EPS15L1: variants seen among roughly 807,000 people sequenced by gnomAD.
EPS15L1 encodes epidermal growth factor receptor pathway substrate 15 like 1.
EPS15L1 carries 43 observed loss-of-function variants against 117.1 expected under a neutral mutation model. The observed-to-expected ratio is 0.37, with a 90% CI of 0.29 to 0.47. The LOEUF is 0.47. EPS15L1 is among the 20% of genes least tolerant of loss of function. EPS15L1 has a pLI of 0.99. For synonymous variants in EPS15L1, 459 were observed against 470.5 expected (o/e 0.98, Z 0.32); for missense variants, 981 against 1,164.0 (o/e 0.84, Z 2.29).
At chr19:16,452,493 G>T (rs930353566) in intron 1 of EPS15L1, among the ~76,000 whole-genome samples, 1 of 150,722 alleles carries the variant, frequency 6.6e-6, no homozygotes, top group East Asian at 1.9e-4. Context: ...AGTGGCACTC[G>T]CCTGTAGTCC....
chr19:16,458,729 T>C (rs2145166551), intron 1 of EPS15L1, among the ~76,000 whole-genome samples: 1 of 152,094 alleles, frequency 6.6e-6, no homozygotes, highest in East Asian at 1.9e-4. Flanking sequence ...CAATCACACA[T>C]GTACACTCAG....
At chr19:16,465,769 T>G (rs2093298940) in intron 1 of EPS15L1, among the ~76,000 whole-genome samples, 1 of 152,000 alleles carries the variant, frequency 6.6e-6, no homozygotes, top group African/African-American at 2.4e-5. Flanking sequence ...AAATAAAAAC[T>G]CAGACTACAT....
chr19:16,425,259 G>C lies in EPS15L1; in HGVS notation c.616C>G (p.Pro206Ala), dbSNP rs35560400. The change falls in exon 9 of 24, where the codon CCG becomes GCG. Residue 206 changes from proline to alanine, a missense_variant. By Grantham distance (27) the Pro-to-Ala change is conservative. Coordinates refer to ENST00000455140, the MANE Select transcript of EPS15L1 (RefSeq NM_001258374.3). ...CTCTTGGAGGGTGGGATGAGGGACG[G>C]GGGCAGGGCGGAGGGCACGGGCTCC... ...EKEPVPSALP[P>A]SLIPPSKRKK... 6.3e-7 allele frequency: 1 copy of C among 1,593,300 alleles called. No homozygotes were observed. The highest frequency in any genetic ancestry group is 1.1e-5 in the South Asian group (1 of 90,522).
In EPS15L1 at chr19:16,371,710, G is replaced by A. The variant is rs1350706832; in HGVS notation, c.2380+5412C>T. Among the ~76,000 whole-genome samples, 4 of 152,224 alleles carry A rather than the reference G, an allele frequency of 2.6e-5. No individual in the cohort carries two copies. Among genetic ancestry groups the A allele is most frequent in the East Asian group, 3.9e-4 (2 of 5,176 alleles). On this transcript the variant is annotated intron_variant, in intron 22 of 23. Transcript: ENST00000455140. This position sits in a 1 kb window ranked among gnomAD's most constrained non-coding sequence, Gnocchi z 4.7. The stretch of plus-strand genomic sequence containing the variant: ...GGGCCGGTCGCAGGATCCCACTATC[G>A]CAGCAGGGCTGAGGCCCAATCACTG...
chr19:16,361,707 G>A (rs768982241), intron 23 of EPS15L1, 72 bp downstream of exon 23: 1 of 1,515,742 alleles, frequency 6.6e-7, no homozygotes, highest in Non-Finnish European at 8.8e-7. Flanking sequence ...GCCTTTAAAA[G>A]GAGACAAAAA....
At chr19:16,379,208 G>T (rs2092332851) in intron 21 of EPS15L1, among the ~76,000 whole-genome samples, 1 of 152,196 alleles carries the variant, frequency 6.6e-6, no homozygotes, top group African/African-American at 2.4e-5. Context: ...GGGAGGCTGA[G>T]GCAGGAGAAT....
intron 15 of EPS15L1, 139 bp from the exon 16 acceptor site, chr19:16,402,624 C>T: frequency 1.3e-6 from 1 of 767,230 alleles, no homozygotes; most frequent in Non-Finnish European, 1.9e-6. Context: ...TCACTGTAGC[C>T]TTGAGCTCCT....
chr19:16,459,581 A>C (rs555755475), intron 1 of EPS15L1, among the ~76,000 whole-genome samples: 1 of 152,290 alleles, frequency 6.6e-6, no homozygotes, highest in South Asian at 2.1e-4. Flanking sequence ...CAAGCCACCA[A>C]GCCACCCTGG....
At chr19:16,438,525 AAT>A (rs1642167378) in intron 4 of EPS15L1, among the ~76,000 whole-genome samples, 1 of 152,068 alleles carries the variant, frequency 6.6e-6, no homozygotes, top group Admixed American at 6.6e-5. Context: ...TGATGGACCA[AAT>A]ATGTGCCGAA....
chr19:16,404,873 C>A lies in EPS15L1; in HGVS notation c.1267-124G>T. 1 of 1,057,990 alleles carries A rather than the reference C, an allele frequency of 9.5e-7. No individual in the cohort carries two copies. Among genetic ancestry groups the A allele is most frequent in the Non-Finnish European group, 1.4e-6 (1 of 719,010 alleles). 65.5% of individuals were successfully genotyped at this position (1,057,990 alleles called of 1,614,324 possible). A position where few individuals can be genotyped will look rare whatever the true frequency, so the allele number is the denominator to read the frequency against. ...CGAAACCACCCACTGTGACCGTGCT[C>A]AGGGCCAGCATTCCGTGCACACCCA... On this transcript the variant is annotated intron_variant, in intron 13 of 23. Transcript: ENST00000455140. The surrounding 1 kb of genome is among the most constrained non-coding windows in gnomAD (Gnocchi z 4.2).
chr19:16,397,916 G>C (rs2092556996), intron 16 of EPS15L1, among the ~76,000 whole-genome samples: 3 of 152,080 alleles, frequency 2.0e-5, no homozygotes, highest in Admixed American at 6.6e-5. Context: ...TAAAAAAACA[G>C]CACAACACCC....
intron 11 of EPS15L1, 137 bp downstream of exon 11, chr19:16,417,811 C>T (rs889270737): frequency 1.0e-5 from 14 of 1,336,730 alleles, no homozygotes; most frequent in African/African-American, 7.3e-5. Context: ...GCCACCCTCC[C>T]GGGGGCCCCT....
Position 16,355,444 on chromosome 19 carries a change from G to A in EPS15L1, c.*261C>T, listed in dbSNP as rs558717136. Reference sequence around the variant, plus strand: ...CTGTGTGTTCGTCCCCAGAGGAAGAGCGGGAGGCAGTCAGCCCCGGGGGGG... The same window carrying A: ...CTGTGTGTTCGTCCCCAGAGGAAGAACGGGAGGCAGTCAGCCCCGGGGGGG... On this transcript the variant is annotated 3_prime_UTR_variant, in exon 24 of 24. Transcript: ENST00000455140. 142 of 446,054 alleles carry A rather than the reference G, an allele frequency of 3.2e-4. 7 individuals carry two copies. The South Asian group carries it at 5.9e-3, about 18-fold the overall frequency. The allele number at this position is 446,054 out of a possible 1,614,324, so 27.6% of individuals were successfully genotyped here.
At position 16,361,766 on chromosome 19, in the gene EPS15L1, G is replaced by A. The variant is rs1599518442; in HGVS notation, c.2586+13C>T. On this transcript the variant is annotated intron_variant, in intron 23 of 23. Coordinates refer to ENST00000455140, the MANE Select transcript of EPS15L1 (RefSeq NM_001258374.3). ...GGGAGTGGGGTGGCCCGGAGGCGGAGGACTCAACTTACAGAGGTGAAGTCT... is the reference window on the plus strand; with the variant it reads ...GGGAGTGGGGTGGCCCGGAGGCGGAAGACTCAACTTACAGAGGTGAAGTCT... 1.9e-6 allele frequency: 3 copies of A among 1,609,806 alleles called. No homozygotes were observed. Among genetic ancestry groups the A allele is most frequent in the Non-Finnish European group, 2.5e-6 (3 of 1,178,080 alleles).
rs563018829 is a variant in EPS15L1 at position 16,434,503 on chromosome 19, A to G, written c.373-13T>C. ...CCTTTTCTTCCACCTAGTTGGAAAG[A>G]AATAGCCCGAGTAAGTAGGAGAGCA... On this transcript the variant is annotated splice_polypyrimidine_tract_variant and intron_variant, in intron 6 of 23. Transcript: ENST00000455140. 6.2e-7 allele frequency: 1 copy of G among 1,611,676 alleles called. No homozygotes were observed. Among genetic ancestry groups the G allele is most frequent in the African/African-American group, 1.3e-5 (1 of 74,992 alleles).
intron 6 of EPS15L1, 187 bp from the exon 7 acceptor site, chr19:16,434,677 A>G: frequency 1.7e-6 from 1 of 577,836 alleles, no homozygotes; most frequent in Non-Finnish European, 2.9e-6. Context: ...CCTGAAGGAA[A>G]TAACGTTATG....
At chr19:16,466,583 C>G (rs2093307534) in intron 1 of EPS15L1, among the ~76,000 whole-genome samples, 1 of 152,220 alleles carries the variant, frequency 6.6e-6, no homozygotes, top group African/African-American at 2.4e-5. Flanking sequence ...TAAATACTCA[C>G]TGAACGAACA....
chr19:16,401,246 T>A (rs1021983182), intron 16 of EPS15L1: 1 of 985,268 alleles, frequency 1.0e-6, no homozygotes, highest in Non-Finnish European at 1.2e-6. Context: ...TCGCCAGCAG[T>A]GCCTTCCCAG....
intron 7 of EPS15L1, among the ~76,000 whole-genome samples, 185 bp from the exon 8 acceptor site, chr19:16,428,946 AC>A (rs2092904272): frequency 6.6e-6 from 1 of 152,114 alleles, no homozygotes; most frequent in South Asian, 2.1e-4. Context: ...ACTGTCAACT[AC>A]CAGATCTGTG....
Sources: allele counts gnomAD v4.1 joint callset (sites outside exome capture counted in the v4.1 genomes callset), GRCh38; gene constraint gnomAD v4.1.1; non-coding constraint Gnocchi (gnomAD v3.1); transcripts MANE v1.5; gene names NCBI Gene and HGNC (gene_info 2026-07-23, HGNC 2026-07-21).